The following ZNF385D variants were observed in gnomAD, a reference collection of about 807,000 sequenced individuals.
ZNF385D encodes zinc finger protein 659.
ZNF385D carries 15 observed loss-of-function variants against 35.8 expected under a neutral mutation model. That is an observed-to-expected ratio of 0.42 (90% CI 0.28 to 0.64). The LOEUF is 0.64. Ranked by LOEUF, ZNF385D falls within the 30% of genes least tolerant of loss-of-function variation. ZNF385D has a pLI of 0.23. For synonymous variants in ZNF385D, 212 were observed against 186.8 expected (o/e 1.13, Z -1.10); for missense variants, 474 against 494.6 (o/e 0.96, Z 0.39).
chr3:21,886,588 C>G (rs1182671577), intron 3 of ZNF385D, among the ~76,000 whole-genome samples: 2 of 152,010 alleles, frequency 1.3e-5, no homozygotes, highest in African/African-American at 4.8e-5. Context: ...TTTTATGAGT[C>G]TTGTTCAGGC....
intron 3 of ZNF385D, among the ~76,000 whole-genome samples, chr3:21,964,862 A>G (rs896540264): frequency 1.3e-5 from 2 of 152,186 alleles, no homozygotes; most frequent in African/African-American, 4.8e-5. Context: ...TATTCTTATT[A>G]TAAATATATT....
At chr3:22,296,443 A>G (rs1316055570) in intron 2 of ZNF385D, among the ~76,000 whole-genome samples, 2 of 152,154 alleles carry the variant, frequency 1.3e-5, no homozygotes, top group Admixed American at 6.6e-5. Flanking sequence ...TGGGACTGCA[A>G]GCAGTTCTTC....
At chr3:21,584,219 TC>T (rs1331662618) in intron 2 of ZNF385D, among the ~76,000 whole-genome samples, 1 of 152,068 alleles carries the variant, frequency 6.6e-6, no homozygotes, top group Non-Finnish European at 1.5e-5. Flanking sequence ...CCTCAAGTGA[TC>T]CGCCCACCTT....
At chr3:21,957,880 T>C (rs1702373299) in intron 3 of ZNF385D, among the ~76,000 whole-genome samples, 1 of 152,246 alleles carries the variant, frequency 6.6e-6, no homozygotes, top group African/African-American at 2.4e-5. Flanking sequence ...GTAAATACAA[T>C]GTCTCAGGAG....
chr3:22,042,056 G>C (rs571494348), intron 3 of ZNF385D, among the ~76,000 whole-genome samples: 1 of 152,122 alleles, frequency 6.6e-6, no homozygotes, highest in Non-Finnish European at 1.5e-5. Context: ...TTAGCGGGTA[G>C]GTAACTACTT....
At chr3:22,096,911 G>C (rs759992873) in intron 3 of ZNF385D, among the ~76,000 whole-genome samples, 1 of 152,032 alleles carries the variant, frequency 6.6e-6, no homozygotes, top group Non-Finnish European at 1.5e-5. Flanking sequence ...CAGCTGAAAT[G>C]ACCTAATGTC....
At chr3:22,153,359 A>T (rs1254855433) in intron 3 of ZNF385D, among the ~76,000 whole-genome samples, 1 of 152,050 alleles carries the variant, frequency 6.6e-6, no homozygotes. Context: ...TGATGCTGTA[A>T]CATCATCAGG....
chr3:22,342,969 A>T (rs1695491675), intron 2 of ZNF385D, among the ~76,000 whole-genome samples: 1 of 152,212 alleles, frequency 6.6e-6, no homozygotes, highest in African/African-American at 2.4e-5. Flanking sequence ...GACCAGTCCA[A>T]ATTGAGATGT....
chr3:21,544,530 G>T (rs2062303912), intron 3 of ZNF385D, among the ~76,000 whole-genome samples: 1 of 152,088 alleles, frequency 6.6e-6, no homozygotes, highest in Admixed American at 6.6e-5. Context: ...AAAGCTGAAG[G>T]TTCAAAGAAG....
intron 3 of ZNF385D, among the ~76,000 whole-genome samples, chr3:21,915,450 G>C (rs1700148922): frequency 6.6e-6 from 1 of 152,046 alleles, no homozygotes; most frequent in Non-Finnish European, 1.5e-5. Flanking sequence ...TTTTAATGTA[G>C]ATGTATCTCA....
intron 4 of ZNF385D, among the ~76,000 whole-genome samples, chr3:21,451,093 G>C (rs1702428999): frequency 1.3e-5 from 2 of 152,024 alleles, no homozygotes. Flanking sequence ...GATTTATAGG[G>C]AGAGAAATTT....
intron 3 of ZNF385D, among the ~76,000 whole-genome samples, chr3:21,757,118 C>CACATTTT (rs2070372289): frequency 1.8e-5 from 1 of 55,922 alleles, no homozygotes. Flanking sequence ...TGATAAATTT[C>CACATTTT]TCTTTTTTTT....
intron 3 of ZNF385D, among the ~76,000 whole-genome samples, chr3:21,556,177 G>A (rs915362535): frequency 6.9e-6 from 1 of 145,122 alleles, no homozygotes; most frequent in Non-Finnish European, 1.5e-5. Context: ...TAGGTTGCCT[G>A]TTCACTCTGA....
intron 7 of ZNF385D, among the ~76,000 whole-genome samples, chr3:21,422,986 G>A (rs187859680): frequency 1.3e-5 from 2 of 152,250 alleles, no homozygotes; most frequent in East Asian, 3.9e-4. Flanking sequence ...GTCCTGGCCA[G>A]GGCAATTGGG....
At chr3:21,892,590 C>T (rs1698925316) in intron 3 of ZNF385D, among the ~76,000 whole-genome samples, 2 of 152,144 alleles carry the variant, frequency 1.3e-5, no homozygotes, top group Admixed American at 1.3e-4. Flanking sequence ...TTAAGACTTA[C>T]TGGTTTCCTA....
At chr3:21,878,953 G>C (rs1486693449) in intron 3 of ZNF385D, among the ~76,000 whole-genome samples, 4 of 152,004 alleles carry the variant, frequency 2.6e-5, no homozygotes, top group Non-Finnish European at 5.9e-5. Flanking sequence ...TTTATAAAAA[G>C]AGCCATGTAC....
intron 4 of ZNF385D, among the ~76,000 whole-genome samples, chr3:21,474,705 T>C (rs1024544860): frequency 6.6e-6 from 1 of 152,136 alleles, no homozygotes; most frequent in Non-Finnish European, 1.5e-5. Flanking sequence ...TACTTAAATA[T>C]GTATCAAATA....
At chr3:21,524,784 A>C (rs1575105008) in intron 3 of ZNF385D, among the ~76,000 whole-genome samples, 1 of 152,288 alleles carries the variant, frequency 6.6e-6, no homozygotes, top group Middle Eastern at 3.4e-3. Flanking sequence ...AATCTTATAA[A>C]GGGGAGGTCA....
intron 2 of ZNF385D, among the ~76,000 whole-genome samples, chr3:22,324,382 G>A (rs376920061): frequency 6.6e-6 from 1 of 151,854 alleles, no homozygotes; most frequent in Non-Finnish European, 1.5e-5. Flanking sequence ...TTCAGCAAGG[G>A]GTCCATTTGT....
Sources: gnomAD v4.1 joint callset for allele counts (sites outside exome capture counted in the v4.1 genomes callset) on GRCh38, gnomAD v4.1.1 for gene constraint, MANE v1.5 for transcripts, NCBI Gene and HGNC (gene_info 2026-07-23, HGNC 2026-07-21) for gene names.